Variants in SGSM1 observed in about 807,000 individuals in gnomAD.
SGSM1 encodes RUN and TBC1 domain containing 2.
In SGSM1, 73 loss-of-function variants were observed where a neutral mutation model predicts 133.8. The observed-to-expected ratio is 0.55, with a 90% CI of 0.45 to 0.66. The LOEUF (loss-of-function observed/expected upper bound fraction) is 0.66, where lower values mean the gene tolerates loss of function less well. Among genes scored for constraint, SGSM1 ranks in the 30% least tolerant of loss-of-function variants. SGSM1 has a pLI of 0.00. For synonymous variants in SGSM1, 563 were observed against 573.0 expected, an observed-to-expected ratio of 0.98 and a Z score of 0.25; for missense variants, 1,213 against 1,448.1, an observed-to-expected ratio of 0.84 and a Z score of 2.64.
intron 16 of SGSM1, 42 bp from the exon 17 acceptor site, chr22:24,893,389 C>G (rs141671930): frequency 6.2e-7 from 1 of 1,605,584 alleles, no homozygotes; most frequent in East Asian, 2.2e-5. Context: ...CCCAGGCGCC[C>G]CTTTGTTGAC....
At chr22:24,919,242 G>A (rs936779745) in intron 23 of SGSM1, among the ~76,000 whole-genome samples, 1 of 151,358 alleles carries the variant, frequency 6.6e-6, no homozygotes, top group Non-Finnish European at 1.5e-5. Context: ...GTCGAGATGG[G>A]GGTTTCACCA....
intron 16 of SGSM1, among the ~76,000 whole-genome samples, chr22:24,890,233 GGC>G (rs1491343133): frequency 6.6e-6 from 1 of 152,210 alleles, no homozygotes; most frequent in African/African-American, 2.4e-5. Flanking sequence ...TGGGATTACA[GGC>G]ATGAGCCACC....
chr22:24,846,947 T>C (rs1465465080), intron 3 of SGSM1, among the ~76,000 whole-genome samples: 7 of 151,938 alleles, frequency 4.6e-5, no homozygotes, highest in Non-Finnish European at 1.5e-5. Context: ...TTCATGCCAT[T>C]CTCCTGCCTC....
chr22:24,829,309 C>G (rs952848757), intron 2 of SGSM1, among the ~76,000 whole-genome samples: 17 of 152,050 alleles, frequency 1.1e-4, no homozygotes. Flanking sequence ...CATGTTTTCA[C>G]TTATAAATGA....
chr22:24,816,364 A>G (rs1182651520), intron 2 of SGSM1, among the ~76,000 whole-genome samples: 1 of 152,040 alleles, frequency 6.6e-6, no homozygotes, highest in Admixed American at 6.6e-5. Context: ...ATGATAATAA[A>G]CATAAACAAA....
At chr22:24,867,674 C>T (rs529022084) in intron 10 of SGSM1, among the ~76,000 whole-genome samples, 3 of 152,294 alleles carry the variant, frequency 2.0e-5, no homozygotes, top group African/African-American at 7.2e-5. Flanking sequence ...TGCAGTACTT[C>T]TTTAAAGCCA....
intron 2 of SGSM1, among the ~76,000 whole-genome samples, chr22:24,806,958 T>C (rs537871613): frequency 6.6e-6 from 1 of 152,028 alleles, no homozygotes; most frequent in Non-Finnish European, 1.5e-5. Context: ...AGCCCCCGAA[T>C]TCTCAGTCCT....
At chr22:24,847,553 T>C in intron 3 of SGSM1, 81 bp from the exon 4 acceptor site, 1 of 1,516,624 alleles carries the variant, frequency 6.6e-7, no homozygotes, top group Non-Finnish European at 8.9e-7. Flanking sequence ...AAGGTTCCAG[T>C]GTCTGACAGA....
chr22:24,874,054 C>G (rs116783298), intron 12 of SGSM1, among the ~76,000 whole-genome samples: 6 of 152,106 alleles, frequency 3.9e-5, no homozygotes, highest in African/African-American at 1.4e-4. Context: ...AGACTAGATA[C>G]GTCTGTTACT....
At chr22:24,814,701 C>G (rs560797999) in intron 2 of SGSM1, among the ~76,000 whole-genome samples, 214 of 152,342 alleles carry the variant, frequency 1.4e-3, no homozygotes, top group African/African-American at 4.9e-3. Context: ...GCCGCCCTTT[C>G]TGGTCACATC....
At chr22:24,901,367 G>T (rs961204724) in intron 19 of SGSM1, among the ~76,000 whole-genome samples, 1 of 152,122 alleles carries the variant, frequency 6.6e-6, no homozygotes, top group East Asian at 1.9e-4. Flanking sequence ...TCAAATCTAA[G>T]CTTAAATTTT....
chr22:24,900,877 T>C (rs945374054), intron 19 of SGSM1, among the ~76,000 whole-genome samples: 2 of 152,204 alleles, frequency 1.3e-5, no homozygotes, highest in Non-Finnish European at 2.9e-5. Context: ...CTTGGGATAT[T>C]ATCTGCTGTA....
chr22:24,874,598 C>A (rs762848217), intron 12 of SGSM1: 1 of 1,567,518 alleles, frequency 6.4e-7, no homozygotes, highest in Admixed American at 1.9e-5. Context: ...TGGGATCTCC[C>A]CGTCCCCAGG....
intron 21 of SGSM1, among the ~76,000 whole-genome samples, chr22:24,911,549 A>G (rs1057410425): frequency 3.6e-4 from 55 of 152,160 alleles, no homozygotes; most frequent in African/African-American, 1.3e-3. Flanking sequence ...AACCTGACAA[A>G]CACGACCTCA....
chr22:24,846,542 G>C (rs1268682904), intron 3 of SGSM1, among the ~76,000 whole-genome samples: 2 of 152,134 alleles, frequency 1.3e-5, no homozygotes, highest in East Asian at 3.9e-4. Flanking sequence ...AATAAAAATA[G>C]TATAATAATT....
rs571487129 is a variant in SGSM1, at chr22:24,926,011, G to A, written c.*1737G>A. ...AGCAGCAGAGAGAAAGGCTCTTCCC[G>A]GGAGACCTGCCGCCTCTAGGGTGGT... is the stretch of plus-strand genomic sequence containing the variant. On this transcript the variant is annotated 3_prime_UTR_variant, in exon 25 of 25. Transcript: ENST00000400358. The A allele has an allele frequency of 3.9e-5, 6 of 152,346 alleles. No individual in the cohort carries two copies. The highest frequency in any genetic ancestry group is 2.1e-4 in the South Asian group (1 of 4,828). 9.4% of individuals were successfully genotyped at this position (152,346 alleles called of 1,614,324 possible).
intron 2 of SGSM1, among the ~76,000 whole-genome samples, chr22:24,829,549 G>A (rs888501077): frequency 4.6e-5 from 7 of 152,190 alleles, no homozygotes; most frequent in African/African-American, 1.7e-4. Context: ...AAAAGCACAT[G>A]TTCAAGTAAA....
At chr22:24,840,920 G>C (rs976212237) in intron 2 of SGSM1, among the ~76,000 whole-genome samples, 1 of 151,988 alleles carries the variant, frequency 6.6e-6, no homozygotes, top group Non-Finnish European at 1.5e-5. Flanking sequence ...GCGCTATCTC[G>C]GCTCACTGCA....
rs755743078 is a variant in SGSM1 at position 24,876,645 on chromosome 22, T to A, written c.1360T>A (p.Ser454Thr). ...PSLWQPSPRK[S>T]SCSSCSQSGS... is the part of the protein sequence containing the mutation. ...CCTGTGGCAGCCCAGTCCCCGGAAG[T>A]CCTCCTGTTCATCCTGTTCACAGAG... is the stretch of plus-strand genomic sequence containing the variant. The change falls in exon 13 of 25, where the codon TCC becomes ACC. Residue 454 changes from serine to threonine, a missense_variant. By Grantham distance (58) the Ser-to-Thr change is moderately conservative. Transcript: ENST00000400358. The A allele has an allele frequency of 6.2e-7, 1 of 1,613,978 alleles. No individual in the cohort carries two copies. Among genetic ancestry groups the A allele is most frequent in the South Asian group, 1.1e-5 (1 of 91,066 alleles).
Sources: allele counts gnomAD v4.1 joint callset (sites outside exome capture counted in the v4.1 genomes callset), GRCh38; gene constraint gnomAD v4.1.1; transcripts MANE v1.5; gene names NCBI Gene and HGNC (gene_info 2026-07-23, HGNC 2026-07-21).